EIF3E: variants seen among roughly 807,000 people sequenced by gnomAD.
EIF3E encodes the protein eIF-3 p48.
Under a neutral mutation model 59.3 loss-of-function variants are expected in EIF3E, and 25 were observed. The observed-to-expected ratio is 0.42, with a 90% CI of 0.31 to 0.59. The LOEUF (loss-of-function observed/expected upper bound fraction) is 0.59. EIF3E is among the 20% of genes least tolerant of loss of function. The pLI is 0.15. For missense variants in EIF3E, 317 were observed against 534.3 expected (o/e 0.59, Z 4.01); for synonymous variants, 176 against 170.2 (o/e 1.03, Z -0.26).
chr8:108,210,476 T>C (rs1240074452), intron 10 of EIF3E, among the ~76,000 whole-genome samples: 1 of 152,184 alleles, frequency 6.6e-6, no homozygotes, highest in African/African-American at 2.4e-5. Flanking sequence ...CGTGTAATGT[T>C]TAAAGGTAAT....
intron 10 of EIF3E, among the ~76,000 whole-genome samples, chr8:108,204,101 A>T (rs904224192): frequency 3.9e-5 from 6 of 152,022 alleles, no homozygotes; most frequent in African/African-American, 1.4e-4. Flanking sequence ...TATTTAAGAC[A>T]CTTGGGAATC....
chr8:108,211,952 A>C (rs115900966), intron 10 of EIF3E, among the ~76,000 whole-genome samples: 7 of 152,352 alleles, frequency 4.6e-5, no homozygotes, highest in African/African-American at 1.7e-4. Flanking sequence ...ATGACAAATT[A>C]ATCTAAACCT....
intron 10 of EIF3E, among the ~76,000 whole-genome samples, chr8:108,208,160 A>T (rs1252188971): frequency 6.6e-6 from 1 of 152,102 alleles, no homozygotes; most frequent in Non-Finnish European, 1.5e-5. Flanking sequence ...CTTAACAAAC[A>T]CTTGGAAAAA....
rs1388088993 is a variant in EIF3E at position 108,228,345 on chromosome 8, A to G, written c.644T>C (p.Ile215Thr). 1 of 1,608,416 alleles carries G rather than the reference A, an allele frequency of 6.2e-7. No homozygotes were observed. The highest frequency in any genetic ancestry group is 8.5e-7 in the Non-Finnish European group (1 of 1,177,094). ...LQSLQQRTWL[I>T]HWSLFVFFNH... ...GAAGAAAACAAACAGAGACCAGTGA[A>G]TGAGCCATGTTCTCTGCTGAAGAGA... Residue 215 changes from isoleucine (I) to threonine (T), a missense_variant, in exon 7 of 13, where the codon ATT (isoleucine) becomes ACT (threonine). By Grantham distance (89) the Ile-to-Thr change is moderately conservative. Around this residue, in one of 4 missense-constraint regions of EIF3E, gnomAD observed 242 missense variants for 398.0 expected, o/e 0.61. Transcript: ENST00000220849.
At chr8:108,201,977 A>G (rs1815003382) in intron 12 of EIF3E, 54 bp from the exon 13 acceptor site, 3 of 1,475,958 alleles carry the variant, frequency 2.0e-6, no homozygotes, top group Middle Eastern at 1.8e-4. Flanking sequence ...TTTCGGAAAA[A>G]AACTAACATA....
intron 1 of EIF3E, among the ~76,000 whole-genome samples, chr8:108,248,397 C>A (rs1016507836): frequency 6.6e-6 from 1 of 152,174 alleles, no homozygotes; most frequent in Non-Finnish European, 1.5e-5. Flanking sequence ...GACTTCTTTT[C>A]TCTCTCCGTA....
intron 8 of EIF3E, 87 bp from the exon 9 acceptor site, chr8:108,216,600 T>C: frequency 1.1e-6 from 1 of 909,784 alleles, no homozygotes; most frequent in Non-Finnish European, 1.7e-6. Context: ...TCTTGTTTTC[T>C]CCTTCTTTAC....
At chr8:108,212,360 A>T (rs1815227721) in intron 10 of EIF3E, among the ~76,000 whole-genome samples, 1 of 152,256 alleles carries the variant, frequency 6.6e-6, no homozygotes, top group South Asian at 2.1e-4. Flanking sequence ...AGTATACTGT[A>T]CTGAACACAT....
At chr8:108,202,863 G>T in intron 12 of EIF3E, 120 bp downstream of exon 12, 2 of 1,170,412 alleles carry the variant, frequency 1.7e-6, no homozygotes, top group East Asian at 2.6e-5. Flanking sequence ...TCTTAAAAAT[G>T]TTCATATCTT....
chr8:108,211,197 G>A (rs1219097085), intron 10 of EIF3E, among the ~76,000 whole-genome samples: 2 of 152,120 alleles, frequency 1.3e-5, no homozygotes, highest in Non-Finnish European at 2.9e-5. Flanking sequence ...GGTTGAACTA[G>A]TTTACAGTCC....
intron 1 of EIF3E, among the ~76,000 whole-genome samples, chr8:108,246,291 G>C (rs1028529377): frequency 6.7e-6 from 1 of 149,864 alleles, no homozygotes; most frequent in Non-Finnish European, 1.5e-5. Flanking sequence ...GTGTGGGGGG[G>C]GGGGGCTGCT....
At chr8:108,240,135 C>G (rs755854457) in intron 2 of EIF3E, 60 bp from the exon 3 acceptor site, 1 of 1,372,794 alleles carries the variant, frequency 7.3e-7, no homozygotes, top group East Asian at 2.3e-5. Flanking sequence ...TGCTACTCAT[C>G]ATGAGAATGT....
chr8:108,213,366 A>G (rs1231388292), intron 10 of EIF3E, among the ~76,000 whole-genome samples: 1 of 152,174 alleles, frequency 6.6e-6, no homozygotes, highest in Non-Finnish European at 1.5e-5. Flanking sequence ...TTGTATACTC[A>G]CACTATACTG....
At chr8:108,235,567 A>G (rs1815712994) in intron 4 of EIF3E, among the ~76,000 whole-genome samples, 1 of 152,238 alleles carries the variant, frequency 6.6e-6, no homozygotes, top group African/African-American at 2.4e-5. Context: ...GTACTGGTCC[A>G]TGACCTGGGA....
At chr8:108,210,734 T>C (rs576458218) in intron 10 of EIF3E, among the ~76,000 whole-genome samples, 1 of 152,226 alleles carries the variant, frequency 6.6e-6, no homozygotes, top group South Asian at 2.1e-4. Context: ...CTCCTAATGC[T>C]ATCCCTCCCC....
Position 108,228,402 on chromosome 8 carries a change from TA to T in EIF3E, c.598-12del. 1 of 1,484,774 alleles carries T rather than the reference TA, an allele frequency of 6.7e-7. No homozygotes were observed. The highest frequency in any genetic ancestry group is 8.9e-7 in the Non-Finnish European group (1 of 1,118,084). 92.0% of individuals were successfully genotyped at this position (1,484,774 alleles called of 1,614,324 possible). On this transcript the variant is annotated splice_polypyrimidine_tract_variant and intron_variant, in intron 6 of 12. Transcript: ENST00000220849. ...TGGAGAACTCACAGACTAAAGGATT[TA>T]AAAATATATACATAAAAAATATTAA...
intron 1 of EIF3E, among the ~76,000 whole-genome samples, chr8:108,244,842 G>A (rs926850553): frequency 2.0e-5 from 3 of 151,818 alleles, no homozygotes; most frequent in African/African-American, 7.3e-5. Flanking sequence ...TCTGGCTAAG[G>A]ATGACTACAA....
chr8:108,235,160 G>A (rs1815703869), intron 4 of EIF3E, 58 bp from the exon 5 acceptor site: 2 of 1,102,016 alleles, frequency 1.8e-6, no homozygotes, highest in Non-Finnish European at 2.5e-6. Context: ...AAACCCCATT[G>A]TAATTCATAA....
At chr8:108,224,878 A>G (rs552590508) in intron 7 of EIF3E, among the ~76,000 whole-genome samples, 1 of 151,594 alleles carries the variant, frequency 6.6e-6, no homozygotes, top group Non-Finnish European at 1.5e-5. Context: ...TATATTTTTC[A>G]CCACCACACT....
Sources: allele counts gnomAD v4.1 joint callset (sites outside exome capture counted in the v4.1 genomes callset), GRCh38; gene constraint gnomAD v4.1.1; regional missense constraint gnomAD v4.1.1; transcripts MANE v1.5; gene names NCBI Gene and HGNC (gene_info 2026-07-23, HGNC 2026-07-21).